AIM2: variants seen among roughly 807,000 people sequenced by gnomAD.
AIM2 encodes absent in melanoma 2.
Under a neutral mutation model 27.7 loss-of-function variants are expected in AIM2, and 30 were observed. The observed-to-expected ratio is 1.08, with a 90% CI of 0.81 to 1.47. The LOEUF is 1.47. Ranked by LOEUF, AIM2 falls within the 40% of genes most tolerant of loss-of-function variation. AIM2 has a pLI of 0.00. For missense variants in AIM2, 358 were observed against 411.3 expected (o/e 0.87, Z 1.12); for synonymous variants, 141 against 145.3 (o/e 0.97, Z 0.21).
chr1:159,073,956 T>C (rs887887417), intron 1 of AIM2, among the ~76,000 whole-genome samples: 1 of 152,054 alleles, frequency 6.6e-6, no homozygotes, highest in Non-Finnish European at 1.5e-5. Flanking sequence ...GGAGAATTAT[T>C]TGAACCTGGG....
chr1:159,063,725 C>T (rs751557428), intron 4 of AIM2, 51 bp from the exon 5 acceptor site: 62 of 1,548,170 alleles, frequency 4.0e-5, no homozygotes, highest in Non-Finnish European at 4.9e-5. Flanking sequence ...TAATGAATGC[C>T]GCATCAGTCA....
At chr1:159,145,334 T>G (rs914660175), upstream of AIM2, among the ~76,000 whole-genome samples, 2 of 152,190 alleles carry the variant, frequency 1.3e-5, no homozygotes, top group Non-Finnish European at 2.9e-5. Flanking sequence ...TCCATGCCTA[T>G]TATGCATTTT....
upstream of AIM2, among the ~76,000 whole-genome samples, chr1:159,141,143 A>G (rs190633540): frequency 9.3e-4 from 141 of 152,282 alleles, no homozygotes; most frequent in African/African-American, 3.2e-3. Context: ...CCTCTGCATG[A>G]CCGTGTCAGG....
chr1:159,108,312 G>A (rs962596643), intron 1 of AIM2, among the ~76,000 whole-genome samples: 1 of 152,144 alleles, frequency 6.6e-6, no homozygotes, highest in Non-Finnish European at 1.5e-5. Flanking sequence ...AATCTCAATA[G>A]ATGCCGAAAA....
chr1:159,085,341 G>A (rs1030978291), intron 1 of AIM2, among the ~76,000 whole-genome samples: 7 of 152,174 alleles, frequency 4.6e-5, no homozygotes, highest in African/African-American at 1.7e-4. Flanking sequence ...AGGTACAAAT[G>A]TGACACATGG....
upstream of AIM2, among the ~76,000 whole-genome samples, chr1:159,078,082 G>A (rs543634893): frequency 6.6e-5 from 10 of 152,314 alleles, no homozygotes; most frequent in South Asian, 1.9e-3. Context: ...TGCAAGGCTT[G>A]TTTCTACACT....
At chr1:159,056,377 C>G in the AIM2 span, among the ~76,000 whole-genome samples, 1 of 152,108 alleles carries the variant, frequency 6.6e-6, no homozygotes, top group South Asian at 2.1e-4. Flanking sequence ...ACCTGGCTGT[C>G]TCATTGCCCC....
At chr1:159,068,728 A>C (rs778621090) in intron 2 of AIM2, 27 bp from the exon 3 acceptor site, 3 of 1,611,480 alleles carry the variant, frequency 1.9e-6, no homozygotes, top group Non-Finnish European at 2.5e-6. Flanking sequence ...AGACATGGCC[A>C]ATAAGCATAT....
chr1:159,105,487 A>G (rs1470060876), intron 1 of AIM2, among the ~76,000 whole-genome samples: 1 of 152,192 alleles, frequency 6.6e-6, no homozygotes, highest in African/African-American at 2.4e-5. Flanking sequence ...TTCTTGCCCC[A>G]TGTCCAGGAA....
chr1:159,091,607 T>G (rs765881719), intron 1 of AIM2, among the ~76,000 whole-genome samples: 1 of 152,230 alleles, frequency 6.6e-6, no homozygotes, highest in Non-Finnish European at 1.5e-5. Flanking sequence ...ATCTCTTGTG[T>G]TGACAGCAAT....
chr1:159,084,778 T>TACACAC (rs113134051), intron 1 of AIM2, among the ~76,000 whole-genome samples: 28,188 of 134,838 alleles, frequency 0.21, 3,669 homozygotes, highest in Middle Eastern at 0.31. Flanking sequence ...CTGTCTGAAA[T>TACACAC]ACACACACAC....
chr1:159,061,395 G>A (rs139561871), downstream of AIM2, among the ~76,000 whole-genome samples: 1,809 of 151,618 alleles, frequency 0.012, 19 homozygotes, highest in Non-Finnish European at 0.018. Context: ...CTGGATACAG[G>A]ATCTTTTTGT....
intron 1 of AIM2, among the ~76,000 whole-genome samples, chr1:159,099,807 G>A (rs536910184): frequency 4.6e-5 from 7 of 151,820 alleles, no homozygotes; most frequent in African/African-American, 1.2e-4. Flanking sequence ...CTAAGACAAC[G>A]GAGACTCACT....
chr1:159,123,961 A>G (rs1054913776), intron 1 of AIM2, among the ~76,000 whole-genome samples: 2 of 152,186 alleles, frequency 1.3e-5, no homozygotes, highest in Admixed American at 1.3e-4. Flanking sequence ...TGCTAAGGAG[A>G]AAATCTGCCT....
At chr1:159,062,186 A>T (rs58917323), downstream of AIM2, among the ~76,000 whole-genome samples, 5,723 of 152,240 alleles carry the variant, frequency 0.038, 370 homozygotes, top group African/African-American at 0.13. Flanking sequence ...TCTTTCTCCA[A>T]TAACACAAAA....
At chr1:159,135,697 T>A (rs1179855284) in intron 1 of AIM2, among the ~76,000 whole-genome samples, 1 of 152,224 alleles carries the variant, frequency 6.6e-6, no homozygotes, top group Admixed American at 6.5e-5. Context: ...GATGGTACCA[T>A]TTCCTTATTT....
chr1:159,146,108 A>G (rs938822102), intron 1 of AIM2, among the ~76,000 whole-genome samples: 1 of 138,002 alleles, frequency 7.2e-6, no homozygotes, highest in Non-Finnish European at 1.6e-5. Context: ...CTGTCCCCTC[A>G]AAAAAAAAAA....
chr1:159,134,704 T>C (rs1421386679), intron 1 of AIM2, among the ~76,000 whole-genome samples: 1 of 152,174 alleles, frequency 6.6e-6, no homozygotes, highest in South Asian at 2.1e-4. Flanking sequence ...TGGTGGCAGA[T>C]GCCTGTAATC....
intron 1 of AIM2, among the ~76,000 whole-genome samples, chr1:159,101,076 A>G (rs1657301846): frequency 6.6e-6 from 1 of 151,788 alleles, no homozygotes; most frequent in Non-Finnish European, 1.5e-5. Context: ...TACTCATATG[A>G]TATGGTTTGG....
Sources: gnomAD v4.1 joint callset for allele counts (sites outside exome capture counted in the v4.1 genomes callset) on GRCh38, gnomAD v4.1.1 for gene constraint, MANE v1.5 for transcripts, NCBI Gene and HGNC (gene_info 2026-07-23, HGNC 2026-07-21) for gene names.